Variants in FOXP1 observed in about 807,000 individuals in gnomAD.
The protein encoded by FOXP1 is forkhead box P1.
A neutral mutation model predicts 98.2 loss-of-function variants in FOXP1; 15 were observed. That is an observed-to-expected ratio of 0.15 (90% CI 0.10 to 0.24). FOXP1 has a LOEUF of 0.24. Ranked by LOEUF, FOXP1 falls within the 10% of genes least tolerant of loss-of-function variation. The probability of loss-of-function intolerance (pLI) is 1.00; values close to 1 mark genes in which losing one functional copy is unlikely to be tolerated. For synonymous variants in FOXP1, 371 were observed against 314.5 expected, an observed-to-expected ratio of 1.18 and a Z score of -1.90; for missense variants, 633 against 848.5, an observed-to-expected ratio of 0.75 and a Z score of 3.15.
At chr3:71,424,946 G>A (rs2084004140) in intron 3 of FOXP1, among the ~76,000 whole-genome samples, 1 of 152,192 alleles carries the variant, frequency 6.6e-6, no homozygotes, top group Non-Finnish European at 1.5e-5. Flanking sequence ...CTTTTTCTAG[G>A]AAGAGGGAAA....
chr3:71,359,487 C>G (rs1416922445), intron 3 of FOXP1, among the ~76,000 whole-genome samples: 3 of 152,156 alleles, frequency 2.0e-5, no homozygotes, highest in Admixed American at 1.3e-4. Flanking sequence ...AACTGTCACT[C>G]TTGAAGGCAC....
At chr3:71,059,856 T>C (rs2051229301) in intron 7 of FOXP1, among the ~76,000 whole-genome samples, 1 of 152,046 alleles carries the variant, frequency 6.6e-6, no homozygotes, top group Non-Finnish European at 1.5e-5. Context: ...CTAAATAAGT[T>C]CTCTTAAATT....
At chr3:71,499,106 C>T (rs2041134811) in intron 2 of FOXP1, among the ~76,000 whole-genome samples, 1 of 152,186 alleles carries the variant, frequency 6.6e-6, no homozygotes, top group Non-Finnish European at 1.5e-5. Context: ...CCTAGAGGGC[C>T]GCTCTCTGTC....
intron 6 of FOXP1, among the ~76,000 whole-genome samples, chr3:71,129,466 A>G (rs578166592): frequency 7.7e-4 from 117 of 152,352 alleles, no homozygotes; most frequent in Middle Eastern, 6.8e-3. Flanking sequence ...TGTTTTAGAT[A>G]CTAAAATTTA....
chr3:71,417,569 T>A (rs1392567961), intron 3 of FOXP1, among the ~76,000 whole-genome samples: 1 of 151,416 alleles, frequency 6.6e-6, no homozygotes, highest in Non-Finnish European at 1.5e-5. Context: ...CTTGTGATTT[T>A]TTTTTCACAT....
chr3:71,242,764 G>GAAAA (rs56035810), intron 5 of FOXP1, among the ~76,000 whole-genome samples: 1 of 140,310 alleles, frequency 7.1e-6, no homozygotes, highest in African/African-American at 2.6e-5. Context: ...GCCCAAAAAG[G>GAAAA]AAAAAAAAAA....
chr3:71,553,423 A>G (rs1479061673), intron 2 of FOXP1, among the ~76,000 whole-genome samples: 1 of 152,228 alleles, frequency 6.6e-6, no homozygotes, highest in African/African-American at 2.4e-5. Context: ...TAGGAGTTCC[A>G]TCAAAAGCTT....
chr3:71,330,704 T>C (rs2076238721), intron 4 of FOXP1, among the ~76,000 whole-genome samples: 1 of 152,246 alleles, frequency 6.6e-6, no homozygotes, highest in Non-Finnish European at 1.5e-5. Flanking sequence ...TGGAATATTA[T>C]GCAGCCATTA....
At chr3:71,532,289 GT>G (rs1267105510) in intron 2 of FOXP1, among the ~76,000 whole-genome samples, 1 of 152,098 alleles carries the variant, frequency 6.6e-6, no homozygotes, top group Non-Finnish European at 1.5e-5. Context: ...TAGAGACGGG[GT>G]TTTGCCGTAT....
intron 5 of FOXP1, among the ~76,000 whole-genome samples, chr3:71,229,522 T>C (rs2066112786): frequency 6.6e-6 from 1 of 152,182 alleles, no homozygotes; most frequent in Admixed American, 6.5e-5. Flanking sequence ...AGTGTGTTCA[T>C]GAATGCAAAG....
chr3:71,040,106 T>C (rs2048142054), intron 11 of FOXP1, among the ~76,000 whole-genome samples: 1 of 150,634 alleles, frequency 6.6e-6, no homozygotes, highest in Admixed American at 6.6e-5. Flanking sequence ...TGTGTGTGTA[T>C]GTATGTATCT....
chr3:71,357,791 G>A (rs1445375036), intron 4 of FOXP1, among the ~76,000 whole-genome samples: 1 of 152,222 alleles, frequency 6.6e-6, no homozygotes. Flanking sequence ...TGAATAAGCA[G>A]AGTAGAAAGA....
intron 3 of FOXP1, among the ~76,000 whole-genome samples, chr3:71,422,394 C>T (rs1242219173): frequency 6.6e-6 from 1 of 152,198 alleles, no homozygotes; most frequent in South Asian, 2.1e-4. Context: ...CTGATTCAGT[C>T]GGTCTGGGGT....
At position 71,182,502 on chromosome 3, in the gene FOXP1, A is replaced by ATGTG. The variant is rs1234678062; in HGVS notation, c.180+15696_180+15699dup. On this transcript the variant is annotated intron_variant, in intron 6 of 20. Coordinates refer to ENST00000649528, the MANE Select transcript of FOXP1 (RefSeq NM_001349338.3). ...ATACAGAAAAGTGTAAACTATATAT[A>ATGTG]TGTGTGTGTGTGTGTGTGTGTGTGT... 3.0e-3 allele frequency among the ~76,000 whole-genome samples: 396 copies of ATGTG among 133,688 alleles called. 3 individuals are homozygous for ATGTG. The highest frequency in any genetic ancestry group is 0.012 in the Middle Eastern group (3 of 248). 87.7% of individuals were successfully genotyped at this position (133,688 alleles called of 152,430 possible). A position where few individuals can be genotyped will look rare whatever the true frequency, so the allele number is the denominator to read the frequency against.
At chr3:71,059,815 A>C (rs1385282720) in intron 7 of FOXP1, among the ~76,000 whole-genome samples, 1 of 152,180 alleles carries the variant, frequency 6.6e-6, no homozygotes, top group Non-Finnish European at 1.5e-5. Context: ...ACAGATCTTT[A>C]GTTCTTAAAG....
At chr3:71,152,750 A>T (rs1439924378) in intron 6 of FOXP1, among the ~76,000 whole-genome samples, 1 of 152,148 alleles carries the variant, frequency 6.6e-6, no homozygotes, top group African/African-American at 2.4e-5. Context: ...AAGAGACAAC[A>T]CTCAGAAGGC....
At chr3:71,143,841 G>C (rs1043087979) in intron 6 of FOXP1, among the ~76,000 whole-genome samples, 1 of 152,224 alleles carries the variant, frequency 6.6e-6, no homozygotes, top group African/African-American at 2.4e-5. Context: ...AATAGGAGCT[G>C]ATTTTTATTT....
chr3:71,126,495 A>AG (rs2059188047), intron 6 of FOXP1, among the ~76,000 whole-genome samples: 1 of 151,820 alleles, frequency 6.6e-6, no homozygotes, highest in Admixed American at 6.6e-5. Flanking sequence ...TCTCAAAAAA[A>AG]TAATCAAATA....
At chr3:71,124,410 ACAC>A (rs888722704) in intron 6 of FOXP1, among the ~76,000 whole-genome samples, 2 of 151,914 alleles carry the variant, frequency 1.3e-5, no homozygotes, top group Admixed American at 6.5e-5. Context: ...CCAAATAAAA[ACAC>A]CACAATTGTT....
Sources: gnomAD v4.1 joint callset for allele counts (sites outside exome capture counted in the v4.1 genomes callset) on GRCh38, gnomAD v4.1.1 for gene constraint, MANE v1.5 for transcripts, NCBI Gene and HGNC (gene_info 2026-07-23, HGNC 2026-07-21) for gene names.